Variants in PCDH18 observed in about 807,000 individuals in gnomAD.
PCDH18 encodes the protein protocadherin-18.
PCDH18 carries 38 observed loss-of-function variants against 71.5 expected under a neutral mutation model. The observed-to-expected ratio is 0.53, with a 90% confidence interval of 0.41 to 0.70. The LOEUF is 0.70. Ranked by LOEUF, PCDH18 falls within the 30% of genes least tolerant of loss-of-function variation. PCDH18 has a pLI of 0.00. For synonymous variants in PCDH18, 565 were observed against 505.4 expected, an observed-to-expected ratio of 1.12 and a Z score of -1.58; for missense variants, 1,334 against 1,384.6, an observed-to-expected ratio of 0.96 and a Z score of 0.58.
chr4:137,528,618 T>C lies in PCDH18; in HGVS notation c.2600A>G (p.Lys867Arg), dbSNP rs768301863. The C allele has an allele frequency of 6.2e-7, 1 of 1,613,998 alleles. No individual in the cohort carries two copies. Residue 867 changes from lysine (K) to arginine (R), a missense_variant, in exon 3 of 4, where the codon AAA becomes AGA. Transcript: ENST00000344876. ...SYRYALQDMD[K>R]FSLKDSGRGD... The stretch of plus-strand genomic sequence containing the variant: ...ACGGCCACTGTCTTTCAAGCTAAAT[T>C]TGTCCATGTCTTGAAGGGCATATCT...
intron 3 of PCDH18, among the ~76,000 whole-genome samples, chr4:137,523,928 A>G (rs1283944246): frequency 6.6e-6 from 1 of 152,194 alleles, no homozygotes; most frequent in Non-Finnish European, 1.5e-5. Context: ...GAAAAGACTA[A>G]TGGAGGGAAG....
Position 137,531,058 on chromosome 4 carries a change from A to G in PCDH18, c.1031T>C (p.Val344Ala). ...AGGTTTATTGTCATTAACATCCACA[A>G]CCTTAATTATAATTTTGCAATGGGC... Reference protein sequence around the residue: ...IPAHCKIIIKVVDVNDNKPEI... With the variant: ...IPAHCKIIIKAVDVNDNKPEI... The change falls in exon 1 of 4, where the codon GTT becomes GCT. Residue 344 changes from valine (V) to alanine (A), a missense_variant. This residue lies in a region of PCDH18 where 1,011 missense variants were observed against 1,048.0 expected (regional missense o/e 0.96). Transcript: ENST00000344876. The G allele has an allele frequency of 6.2e-7, 1 of 1,611,682 alleles. No homozygotes were observed. Among genetic ancestry groups the G allele is most frequent in the South Asian group, 1.1e-5 (1 of 90,886 alleles).
rs939396195 is a variant in PCDH18 at position 137,520,317 on chromosome 4, C to G, written c.*712G>C. On this transcript the variant is annotated 3_prime_UTR_variant, in exon 4 of 4. Transcript: ENST00000344876. ...ATTGTGAGAGAAATATTCTCCGGAA[C>G]AGGCCAGTGTGATGGCCTGGAATAG... The G allele has an allele frequency of 3.3e-5, 5 of 152,182 alleles. No homozygotes were observed. Among genetic ancestry groups the G allele is most frequent in the African/African-American group, 1.2e-4 (5 of 41,456 alleles). The allele number at this position is 152,182 out of a possible 1,614,324, so 9.4% of individuals were successfully genotyped here.
At chr4:137,524,962 C>T (rs555738306) in intron 3 of PCDH18, among the ~76,000 whole-genome samples, 1 of 152,088 alleles carries the variant, frequency 6.6e-6, no homozygotes, top group African/African-American at 2.4e-5. Context: ...TGGATACCTG[C>T]CATGAGAAAG....
In PCDH18 at chr4:137,531,944, C is replaced by T; in HGVS notation, c.145G>A (p.Glu49Lys). ...RVGSVIARLS[E>K]DVADVLLKLP... ...TTCAATAAAACATCAGCCACATCCT[C>T]TGATAGTCTTGCAATTACTGATCCA... The change falls in exon 1 of 4, where the codon GAG becomes AAG. Residue 49 changes from glutamate to lysine, a missense_variant. Glu to Lys is a moderately conservative substitution (Grantham distance 56). Coordinates refer to ENST00000344876, the MANE Select transcript of PCDH18 (RefSeq NM_019035.5). 6.2e-7 allele frequency: 1 copy of T among 1,614,154 alleles called. No individual in the cohort carries two copies. Among genetic ancestry groups the T allele is most frequent in the South Asian group, 1.1e-5 (1 of 91,078 alleles).
At position 137,529,713 on chromosome 4, in the gene PCDH18, G is replaced by A. The variant is rs1731595667; in HGVS notation, c.2376C>T (p.Ser792=). ...ACTGGTGACTGTTGTGACTCTGCCG[G>A]CTGCCCATCTGCCCTCTTTCTAAGG... ...SPTLERGQMG[S]RQSHNSHQSL... The change falls in exon 1 of 4, where the codon AGC becomes AGT. Residue 792 remains serine (S), a synonymous_variant. Transcript: ENST00000344876. 2 of 1,613,840 alleles carry A rather than the reference G, an allele frequency of 1.2e-6. No homozygotes were observed. The highest frequency in any genetic ancestry group is 1.7e-6 in the Non-Finnish European group (2 of 1,179,800).
In PCDH18 at chr4:137,518,922, G is replaced by A. The variant is rs970033105; in HGVS notation, c.*2107C>T. On this transcript the variant is annotated 3_prime_UTR_variant, in exon 4 of 4. Coordinates refer to ENST00000344876, the MANE Select transcript of PCDH18 (RefSeq NM_019035.5). ...AATATGGACAATATACAAAAGTTTT[G>A]TGTTGAATGAAATATTGCATTTTAT... The A allele has an allele frequency of 6.6e-6, 1 of 152,214 alleles. No individual in the cohort carries two copies. The highest frequency in any genetic ancestry group is 1.5e-5 in the Non-Finnish European group (1 of 68,022). 9.4% of individuals were successfully genotyped at this position (152,214 alleles called of 1,614,324 possible). A position where few individuals can be genotyped will look rare whatever the true frequency, so the allele number is the denominator to read the frequency against.
chr4:137,532,162 C>G lies in PCDH18; in HGVS notation c.-74G>C. 8.7e-7 allele frequency: 1 copy of G among 1,144,686 alleles called. No homozygotes were observed. The highest frequency in any genetic ancestry group is 1.3e-6 in the Non-Finnish European group (1 of 753,950). 70.9% of individuals were successfully genotyped at this position (1,144,686 alleles called of 1,614,324 possible). A position where few individuals can be genotyped will look rare whatever the true frequency, so the allele number is the denominator to read the frequency against. On this transcript the variant is annotated 5_prime_UTR_variant, in exon 1 of 4. Transcript: ENST00000344876. ...CAATTGCCTCAACTTCCTTTGGCAA[C>G]GTAAAGCTACATTTGGTACTTGAAA...
At position 137,521,377 on chromosome 4, in the gene PCDH18, C is replaced by A. The variant is rs780701181; in HGVS notation, c.3060G>T (p.Leu1020=). The A allele has an allele frequency of 1.4e-5, 22 of 1,614,136 alleles. No individual in the cohort carries two copies. Among genetic ancestry groups the A allele is most frequent in the Non-Finnish European group, 1.9e-5 (22 of 1,180,018 alleles). ...CCTCACTGCATTCAGAATAGGTGTC[C>A]AGGGAAGGCGGTAAGAGACGCTGGA... ...SVFQRLLPPS[L]DTYSECSEVD... Residue 1020 remains leucine (L), a synonymous_variant, in exon 4 of 4, where the codon CTG becomes CTT. Transcript: ENST00000344876.
chr4:137,529,744 G>A lies in PCDH18; in HGVS notation c.2345C>T (p.Ser782Phe). 1 of 1,614,006 alleles carries A rather than the reference G, an allele frequency of 6.2e-7. No individual in the cohort carries two copies. Reference protein sequence around the residue: ...RSHHRSSPSSSPTLERGQMGS... With the variant: ...RSHHRSSPSSFPTLERGQMGS... ...CATCTGCCCTCTTTCTAAGGTAGGA[G>A]ATGAAGATGGAGACGATCTGTGATG... Residue 782 changes from serine (S) to phenylalanine (F), a missense_variant, in exon 1 of 4, where the codon TCT becomes TTT. Ser to Phe is a radical substitution (Grantham distance 155). Around this residue, in one of 3 missense-constraint regions of PCDH18, gnomAD observed 1,011 missense variants for 1,048.0 expected, o/e 0.96. Transcript: ENST00000344876.
chr4:137,528,137 A>C lies in PCDH18; in HGVS notation c.2740+341T>G, dbSNP rs1036796618. Among the ~76,000 whole-genome samples, 139 of 152,280 alleles carry C rather than the reference A, an allele frequency of 9.1e-4. 1 individual carries two copies. The highest frequency in any genetic ancestry group is 2.4e-4 in the Non-Finnish European group (16 of 68,030). On this transcript the variant is annotated intron_variant, in intron 3 of 3. Coordinates refer to ENST00000344876, the MANE Select transcript of PCDH18 (RefSeq NM_019035.5). ...AAAAACCACCACCCAATAATTTTGC[A>C]AAGAGTTACACAACCGTGTTCTATG...
chr4:137,529,867 G>A lies in PCDH18; in HGVS notation c.2222C>T (p.Ser741Leu). 6.2e-7 allele frequency: 1 copy of A among 1,613,610 alleles called. No individual in the cohort carries two copies. The highest frequency in any genetic ancestry group is 8.5e-7 in the Non-Finnish European group (1 of 1,179,760). The stretch of plus-strand genomic sequence containing the variant: ...CCTTTTTGGGTGGTGCTGGTAAGTT[G>A]ATTCGGCCACCCTGCAGTTATAGGA... Reference protein sequence around the residue: ...TRSYNCRVAESTYQHHPKRPS... With the variant: ...TRSYNCRVAELTYQHHPKRPS... The change falls in exon 1 of 4, where the codon TCA (serine) becomes TTA (leucine). Residue 741 changes from serine (S) to leucine (L), a missense_variant. Physicochemically the swap from Ser to Leu is moderately radical, Grantham distance 145 (BLOSUM62 -2). Transcript: ENST00000344876.
Position 137,530,934 on chromosome 4 carries a change from C to T in PCDH18, c.1155G>A (p.Gln385=), listed in dbSNP as rs772201325. The T allele has an allele frequency of 6.2e-7, 1 of 1,613,798 alleles. No homozygotes were observed. Among genetic ancestry groups the T allele is most frequent in the Admixed American group, 1.7e-5 (1 of 59,998 alleles). The change falls in exon 1 of 4, where the codon CAG becomes CAA. Residue 385 remains glutamine (Q), a synonymous_variant. Coordinates refer to ENST00000344876, the MANE Select transcript of PCDH18 (RefSeq NM_019035.5). The stretch of plus-strand genomic sequence containing the variant: ...CTCCATTCAGCCCAGAATCCTTGTC[C>T]TGAACTCTGACCAAAGCAACAAATG... ...IDTFVALVRV[Q]DKDSGLNGEI...
chr4:137,527,971 TCTC>T (rs550449954), intron 3 of PCDH18, among the ~76,000 whole-genome samples: 71 of 152,272 alleles, frequency 4.7e-4, no homozygotes, highest in South Asian at 8.3e-4. Flanking sequence ...ATGCATTCCT[TCTC>T]CTATTTTTAA....
rs1731256411 is a variant in PCDH18 at position 137,520,415 on chromosome 4, A to G, written c.*614T>C. On this transcript the variant is annotated 3_prime_UTR_variant, in exon 4 of 4. Coordinates refer to ENST00000344876, the MANE Select transcript of PCDH18 (RefSeq NM_019035.5). ...ATTGTCTATAAAAAGTTCATTTGAG[A>G]TAGTCATCTAATAAATAACCTTCAA... 1 of 152,204 alleles carries G rather than the reference A, an allele frequency of 6.6e-6. No homozygotes were observed. The highest frequency in any genetic ancestry group is 2.1e-4 in the South Asian group (1 of 4,838). The allele number at this position is 152,204 out of a possible 1,614,324, so 9.4% of individuals were successfully genotyped here.
In PCDH18 at chr4:137,530,221, C is replaced by T. The variant is rs1347406573; in HGVS notation, c.1868G>A (p.Gly623Asp). 4.3e-6 allele frequency: 7 copies of T among 1,614,048 alleles called. No homozygotes were observed. The highest frequency in any genetic ancestry group is 2.2e-5 in the East Asian group (1 of 44,858). Residue 623 changes from glycine to aspartate, a missense_variant, in exon 1 of 4, where the codon GGT becomes GAT. Coordinates refer to ENST00000344876, the MANE Select transcript of PCDH18 (RefSeq NM_019035.5). ...NAELSCAIVA[G>D]NEENIFIIDP... ...AATTATGAAGATATTCTCCTCATTA[C>T]CTGCTACTATGGCGCAGCTGAGTTC... is the stretch of plus-strand genomic sequence containing the variant.
Position 137,521,390 on chromosome 4 carries a change from A to G in PCDH18, c.3047T>C (p.Leu1016Ser). 1 of 1,614,186 alleles carries G rather than the reference A, an allele frequency of 6.2e-7. No homozygotes were observed. Among genetic ancestry groups the G allele is most frequent in the Non-Finnish European group, 8.5e-7 (1 of 1,180,010 alleles). ...AGAATAGGTGTCCAGGGAAGGCGGT[A>G]AGAGACGCTGGAACACACTGCTCAT... ...SEMSSVFQRL[L>S]PPSLDTYSEC... Residue 1016 changes from leucine to serine, a missense_variant, in exon 4 of 4, where the codon TTA (leucine) becomes TCA (serine). Leu to Ser is a moderately radical substitution (Grantham distance 145). Transcript: ENST00000344876.
At chr4:137,523,020 G>A (rs1731345261) in intron 3 of PCDH18, among the ~76,000 whole-genome samples, 1 of 152,138 alleles carries the variant, frequency 6.6e-6, no homozygotes, top group African/African-American at 2.4e-5. Context: ...TAAACTGCAA[G>A]AGTCCCAAAT....
Position 137,532,395 on chromosome 4 carries a change from G to A in PCDH18, c.-307C>T, listed in dbSNP as rs1731746499. The A allele has an allele frequency of 4.3e-6, 3 of 700,356 alleles. No individual in the cohort carries two copies. Among genetic ancestry groups the A allele is most frequent in the Non-Finnish European group, 7.8e-6 (3 of 384,162 alleles). 43.4% of individuals were successfully genotyped at this position (700,356 alleles called of 1,614,324 possible). The stretch of plus-strand genomic sequence containing the variant: ...CGGAATCCATCTATTGCAGGGTGCC[G>A]GTGGAGTCTGCAGTGTGTCTTTCCT... On this transcript the variant is annotated 5_prime_UTR_variant, in exon 1 of 4. Transcript: ENST00000344876.
Sources: gnomAD v4.1 joint callset for allele counts (sites outside exome capture counted in the v4.1 genomes callset) on GRCh38, gnomAD v4.1.1 for gene constraint, gnomAD v4.1.1 regional missense constraint, MANE v1.5 for transcripts, NCBI Gene and HGNC (gene_info 2026-07-23, HGNC 2026-07-21) for gene names.